ADAM10: variants seen among roughly 807,000 people sequenced by gnomAD.
ADAM10 encodes disintegrin and metalloproteinase domain-containing protein 10.
Under a neutral mutation model 90.1 loss-of-function variants are expected in ADAM10, and 17 were observed. The observed-to-expected ratio is 0.19, with a 90% CI of 0.13 to 0.28. The LOEUF (loss-of-function observed/expected upper bound fraction) is 0.28. Ranked by LOEUF, ADAM10 falls within the 10% of genes least tolerant of loss-of-function variation. ADAM10 has a pLI of 1.00. For missense variants in ADAM10, 610 were observed against 914.3 expected (o/e 0.67, Z 4.29); for synonymous variants, 310 against 298.6 (o/e 1.04, Z -0.40).
At chr15:58,639,262 G>C (rs1344281067) in intron 8 of ADAM10, among the ~76,000 whole-genome samples, 2 of 152,136 alleles carry the variant, frequency 1.3e-5, no homozygotes, top group Non-Finnish European at 2.9e-5. Flanking sequence ...AAGAGACCGG[G>C]GTAGTGCCTA....
intron 2 of ADAM10, among the ~76,000 whole-genome samples, chr15:58,714,432 A>G (rs550791352): frequency 1.6e-4 from 24 of 152,232 alleles, no homozygotes; most frequent in African/African-American, 4.8e-4. Flanking sequence ...AGTATTTAAT[A>G]TATTCTATTA....
At chr15:58,601,424 G>A (rs919753403) in intron 14 of ADAM10, among the ~76,000 whole-genome samples, 7 of 152,104 alleles carry the variant, frequency 4.6e-5, no homozygotes, top group Non-Finnish European at 1.0e-4. Context: ...TTGTGCCACT[G>A]CACTCCAGCC....
Position 58,594,092 on chromosome 15 carries a change from T to G in ADAM10, c.*3455A>C, listed in dbSNP as rs1205520787. On this transcript the variant is annotated 3_prime_UTR_variant, in exon 16 of 16. Transcript: ENST00000260408. ...AAGTTGAAAGTGGTTTTGGGGAAAC[T>G]AAAATTTCTTACAACTTTAGTGACT... The G allele has an allele frequency of 6.6e-6, 1 of 152,208 alleles. No homozygotes were observed. The highest frequency in any genetic ancestry group is 2.4e-5 in the African/African-American group (1 of 41,464). The allele number at this position is 152,208 out of a possible 1,614,324, so 9.4% of individuals were successfully genotyped here.
chr15:58,655,706 A>AT (rs1566982298), intron 5 of ADAM10, among the ~76,000 whole-genome samples: 106 of 56,838 alleles, frequency 1.9e-3, no homozygotes, highest in African/African-American at 0.015. Flanking sequence ...GTATATATAT[A>AT]TATAGTATAT....
chr15:58,634,927 T>C (rs1896208113), intron 8 of ADAM10, among the ~76,000 whole-genome samples: 1 of 152,172 alleles, frequency 6.6e-6, no homozygotes, highest in African/African-American at 2.4e-5. Context: ...CAATTCAAAA[T>C]AGGTCTGCAA....
chr15:58,666,766 C>T (rs942119281), intron 4 of ADAM10, among the ~76,000 whole-genome samples: 1 of 152,016 alleles, frequency 6.6e-6, no homozygotes, highest in Non-Finnish European at 1.5e-5. Context: ...TTTTATATAT[C>T]ACGAATTAAA....
chr15:58,598,715 T>C (rs867274412), intron 15 of ADAM10, among the ~76,000 whole-genome samples: 3 of 152,230 alleles, frequency 2.0e-5, no homozygotes, highest in Admixed American at 6.5e-5. Flanking sequence ...ACGAATACCT[T>C]GGAGAAGGGG....
rs1386674491 is a variant in ADAM10, at chr15:58,611,927, C to T, written c.1576G>A (p.Asp526Asn). The change falls in exon 12 of 16, where the codon GAT becomes AAT. Residue 526 changes from aspartate to asparagine, a missense_variant. Asp to Asn is a conservative substitution (Grantham distance 23). Around this residue, in one of 4 missense-constraint regions of ADAM10, gnomAD observed 53 missense variants for 62.0 expected, o/e 0.85. Coordinates refer to ENST00000260408, the MANE Select transcript of ADAM10 (RefSeq NM_001110.4). ...CCTTCCCTTGCACAGTCTGAATCAT[C>T]CCGACACTTCTCAGACTTTGACTTG... ...AFKSKSEKCR[D>N]DSDCAREGIC... The T allele has an allele frequency of 6.2e-7, 1 of 1,614,160 alleles. No homozygotes were observed. The highest frequency in any genetic ancestry group is 1.3e-5 in the African/African-American group (1 of 75,032).
intron 1 of ADAM10, among the ~76,000 whole-genome samples, chr15:58,724,350 G>GA (rs1675959573): frequency 6.6e-6 from 1 of 151,990 alleles, no homozygotes; most frequent in Admixed American, 6.6e-5. Context: ...GGGTAAAAAA[G>GA]AAAAAAATAT....
intron 14 of ADAM10, among the ~76,000 whole-genome samples, chr15:58,604,139 A>G (rs555373575): frequency 6.6e-6 from 1 of 152,214 alleles, no homozygotes; most frequent in East Asian, 1.9e-4. Flanking sequence ...GGGCGGGTGG[A>G]TCACCTGAGG....
At chr15:58,720,588 A>C (rs902099324) in intron 1 of ADAM10, among the ~76,000 whole-genome samples, 21 of 150,214 alleles carry the variant, frequency 1.4e-4, no homozygotes, top group African/African-American at 5.2e-4. Flanking sequence ...TTTTTAGTAG[A>C]GACGGGGTTT....
At position 58,597,337 on chromosome 15, in the gene ADAM10, G is replaced by A. The variant is rs1372694749; in HGVS notation, c.*210C>T. On this transcript the variant is annotated 3_prime_UTR_variant, in exon 16 of 16. Coordinates refer to ENST00000260408, the MANE Select transcript of ADAM10 (RefSeq NM_001110.4). ...AAATATCTGTTCATAAGAAAATTGGGTTCCTTTTCCACCTCCCACCCCCAA... is the reference window on the plus strand; with the variant it reads ...AAATATCTGTTCATAAGAAAATTGGATTCCTTTTCCACCTCCCACCCCCAA... 3.3e-6 allele frequency: 5 copies of A among 1,518,030 alleles called. No homozygotes were observed. The highest frequency in any genetic ancestry group is 4.4e-6 in the Non-Finnish European group (5 of 1,130,320). The allele number at this position is 1,518,030 out of a possible 1,614,324, so 94.0% of individuals were successfully genotyped here. A position where few individuals can be genotyped will look rare whatever the true frequency, so the allele number is the denominator to read the frequency against.
intron 6 of ADAM10, among the ~76,000 whole-genome samples, chr15:58,645,306 T>C (rs1283663886): frequency 6.6e-6 from 1 of 152,174 alleles, no homozygotes; most frequent in African/African-American, 2.4e-5. Context: ...CTTATTACTA[T>C]TATGTTTTCC....
chr15:58,655,715 A>ATAT lies in ADAM10; in HGVS notation c.585+9379_585+9381dup, dbSNP rs1555414924. On this transcript the variant is annotated intron_variant, in intron 5 of 15. Transcript: ENST00000260408. ...TATATAGTATATATATATATAGTAT[A>ATAT]TATATATATATATATATATATATAT... 6.1e-5 allele frequency among the ~76,000 whole-genome samples: 4 copies of ATAT among 65,180 alleles called. 1 individual carries two copies. The highest frequency in any genetic ancestry group is 2.7e-4 in the African/African-American group (4 of 14,946). The allele number at this position is 65,180 out of a possible 152,430, so 42.8% of individuals were successfully genotyped here. A position where few individuals can be genotyped will look rare whatever the true frequency, so the allele number is the denominator to read the frequency against.
At chr15:58,742,819 G>C (rs758694491) in intron 1 of ADAM10, among the ~76,000 whole-genome samples, 3 of 152,080 alleles carry the variant, frequency 2.0e-5, no homozygotes, top group African/African-American at 7.2e-5. Flanking sequence ...GAGCATTAAC[G>C]ATCATTAATT....
chr15:58,670,769 C>T (rs1488644588), intron 4 of ADAM10, among the ~76,000 whole-genome samples: 1 of 151,970 alleles, frequency 6.6e-6, no homozygotes, highest in African/African-American at 2.4e-5. Context: ...ACAAGAATAG[C>T]CATTTTATAT....
intron 2 of ADAM10, among the ~76,000 whole-genome samples, chr15:58,689,243 T>G (rs1243834477): frequency 6.6e-6 from 1 of 152,108 alleles, no homozygotes; most frequent in African/African-American, 2.4e-5. Flanking sequence ...CCTAGCACTT[T>G]GGGAGGCCAA....
chr15:58,710,189 G>C (rs1042859562), intron 2 of ADAM10, among the ~76,000 whole-genome samples: 1 of 152,114 alleles, frequency 6.6e-6, no homozygotes, highest in South Asian at 2.1e-4. Context: ...TGAGGCTGGA[G>C]AATCACTTAA....
chr15:58,642,607 G>C (rs188845022), intron 7 of ADAM10, among the ~76,000 whole-genome samples: 78 of 152,188 alleles, frequency 5.1e-4, no homozygotes, highest in Middle Eastern at 3.4e-3. Flanking sequence ...TAAGAGGTAA[G>C]GTCTAAAAAC....
Sources: gnomAD v4.1 joint callset for allele counts (sites outside exome capture counted in the v4.1 genomes callset) on GRCh38, gnomAD v4.1.1 for gene constraint, gnomAD v4.1.1 regional missense constraint, MANE v1.5 for transcripts, NCBI Gene and HGNC (gene_info 2026-07-23, HGNC 2026-07-21) for gene names.